CFAP57: variants seen among roughly 807,000 people sequenced by gnomAD.
CFAP57 encodes the protein cilia and flagella associated protein 57.
CFAP57 carries 116 observed loss-of-function variants against 146.8 expected under a neutral mutation model. That is an observed-to-expected ratio of 0.79 (90% CI 0.68 to 0.92). The LOEUF (loss-of-function observed/expected upper bound fraction) is 0.92, where lower values mean the gene tolerates loss of function less well. Ranked by LOEUF, CFAP57 falls within the 40% of genes least tolerant of loss-of-function variation. The pLI is 0.00. For synonymous variants in CFAP57, 518 were observed against 552.8 expected (o/e 0.94, Z 0.88); for missense variants, 1,377 against 1,527.2 (o/e 0.90, Z 1.64).
chr1:43,223,973 C>T, intron 16 of CFAP57, 73 bp from the exon 17 acceptor site: 1 of 1,527,162 alleles, frequency 6.5e-7, no homozygotes, highest in African/African-American at 1.4e-5. Flanking sequence ...GAGCCCCTTA[C>T]ACTGAGACAG....
rs148325400 is a variant in CFAP57 at position 43,250,082 on chromosome 1, T to C, written c.3539-3895T>C. 2.6e-3 allele frequency: 402 copies of C among 152,446 alleles called. 2 individuals are homozygous for C. Among genetic ancestry groups the C allele is most frequent in the South Asian group, 0.014 (69 of 4,832 alleles). The allele number at this position is 152,446 out of a possible 1,614,324, so 9.4% of individuals were successfully genotyped here. On this transcript the variant is annotated intron_variant, in intron 22 of 22. Coordinates refer to ENST00000372492, the MANE Select transcript of CFAP57 (RefSeq NM_001378189.1). Reference sequence around the variant, plus strand: ...AAGTCACGTGAACTTGAAAATTGCTTGGACTTTTTCACCTAACGTATGAGT... The same window carrying C: ...AAGTCACGTGAACTTGAAAATTGCTCGGACTTTTTCACCTAACGTATGAGT...
chr1:43,176,055 C>G (rs79479175), intron 2 of CFAP57, among the ~76,000 whole-genome samples: 1 of 152,036 alleles, frequency 6.6e-6, no homozygotes, highest in Non-Finnish European at 1.5e-5. Context: ...TCACCAGGGG[C>G]CTTGTACACA....
chr1:43,185,329 T>A lies in CFAP57; in HGVS notation c.942T>A (p.Asp314Glu), dbSNP rs1414632731. ...VLLFEKMEEK[D>E]FYRESREIRI... The stretch of plus-strand genomic sequence containing the variant: ...TGTTTGAGAAGATGGAAGAAAAGGA[T>A]TTTTACCGTGAGAGCAGAGAAATCA... Residue 314 changes from aspartate to glutamate, a missense_variant, in exon 5 of 23, where the codon GAT becomes GAA. Transcript: ENST00000372492. The A allele has an allele frequency of 6.2e-7, 1 of 1,613,774 alleles. No homozygotes were observed. The highest frequency in any genetic ancestry group is 8.5e-7 in the Non-Finnish European group (1 of 1,179,972).
chr1:43,174,209 T>C (rs1645084476), intron 2 of CFAP57, among the ~76,000 whole-genome samples: 1 of 152,156 alleles, frequency 6.6e-6, no homozygotes, highest in Non-Finnish European at 1.5e-5. Flanking sequence ...TTTCTTTCAG[T>C]TTGGGGCATT....
chr1:43,252,472 G>A (rs1439241634), intron 22 of CFAP57, among the ~76,000 whole-genome samples: 1 of 151,938 alleles, frequency 6.6e-6, no homozygotes, highest in Non-Finnish European at 1.5e-5. Context: ...TAGGCCCCAA[G>A]CAGAAGCAAA....
intron 16 of CFAP57, among the ~76,000 whole-genome samples, chr1:43,223,825 A>G (rs954879906): frequency 1.4e-4 from 21 of 152,182 alleles, no homozygotes; most frequent in African/African-American, 4.3e-4. Flanking sequence ...CCTGGATGTT[A>G]TGGGACAGAA....
chr1:43,204,338 A>C lies in CFAP57; in HGVS notation c.1543-2382A>C, dbSNP rs144483697. Among the ~76,000 whole-genome samples the C allele has an allele frequency of 1.3e-3, 194 of 152,350 alleles. 3 individuals carry two copies. The highest frequency in any genetic ancestry group is 4.5e-3 in the African/African-American group (188 of 41,586). ...CAAAATCTACCATCTGGGCCCCTTC[A>C]AAGGCAATTTCTATTGCCTGAATGC... is the stretch of plus-strand genomic sequence containing the variant. On this transcript the variant is annotated intron_variant, in intron 9 of 22. Transcript: ENST00000372492.
chr1:43,242,308 C>T (rs1645955508), intron 21 of CFAP57, among the ~76,000 whole-genome samples: 1 of 152,174 alleles, frequency 6.6e-6, no homozygotes, highest in South Asian at 2.1e-4. Flanking sequence ...TAAACTGTAC[C>T]CACACCCCGC....
intron 22 of CFAP57, among the ~76,000 whole-genome samples, chr1:43,249,908 T>C (rs1646275488): frequency 1.3e-5 from 2 of 152,212 alleles, no homozygotes; most frequent in East Asian, 1.9e-4. Flanking sequence ...TTGTTTTGGC[T>C]AGATTAACAG....
chr1:43,222,300 T>A lies in CFAP57; in HGVS notation c.2532+5T>A. The A allele has an allele frequency of 7.0e-7, 1 of 1,424,946 alleles. No homozygotes were observed. The highest frequency in any genetic ancestry group is 1.8e-4 in the Middle Eastern group (1 of 5,420). The allele number at this position is 1,424,946 out of a possible 1,614,324, so 88.3% of individuals were successfully genotyped here. ...AAAACCACCCTTCTGGAAGAGGTAC[T>A]CACAGGAAGCCATGCTGTGCCTCCC... is the stretch of plus-strand genomic sequence containing the variant. On this transcript the variant is annotated splice_donor_5th_base_variant and intron_variant, in intron 15 of 22. Transcript: ENST00000372492.
At chr1:43,174,299 T>C (rs1342750809) in intron 2 of CFAP57, among the ~76,000 whole-genome samples, 1 of 150,988 alleles carries the variant, frequency 6.6e-6, no homozygotes, top group Admixed American at 6.6e-5. Flanking sequence ...CCACATAATA[T>C]TCTGTTGGAA....
At chr1:43,249,597 CTTTTTTT>C (rs35050145) in intron 22 of CFAP57, among the ~76,000 whole-genome samples, 1 of 52,642 alleles carries the variant, frequency 1.9e-5, no homozygotes, top group African/African-American at 7.7e-5. Flanking sequence ...ACCCAGCTAA[CTTTTTTT>C]TTTTTTTTTT....
Position 43,243,225 on chromosome 1 carries a change from A to G in CFAP57, c.3406-2A>G, listed in dbSNP as rs1247877337. 1.9e-6 allele frequency: 3 copies of G among 1,549,650 alleles called. No homozygotes were observed. Among genetic ancestry groups the G allele is most frequent in the Non-Finnish European group, 2.6e-6 (3 of 1,146,562 alleles). On this transcript the variant is annotated splice_acceptor_variant, in intron 21 of 22. Transcript: ENST00000372492. LOFTEE classifies it high-confidence loss of function. ...TCCCTCTCTCTTCCCCCTTTTCTGC[A>G]GGAAAATGTCTCTCTGATCAAGGAA... is the stretch of plus-strand genomic sequence containing the variant.
intron 10 of CFAP57, among the ~76,000 whole-genome samples, chr1:43,209,047 G>T (rs559989549): frequency 1.3e-5 from 2 of 152,124 alleles, no homozygotes; most frequent in East Asian, 3.9e-4. Context: ...TTTATTATTA[G>T]GTATTATTTA....
At chr1:43,198,329 C>T in intron 7 of CFAP57, 152 bp from the exon 8 acceptor site, 1 of 880,192 alleles carries the variant, frequency 1.1e-6, no homozygotes, top group Non-Finnish European at 1.8e-6. Flanking sequence ...ACATTATCCC[C>T]TAATAACCAA....
intron 22 of CFAP57, among the ~76,000 whole-genome samples, chr1:43,244,839 G>A (rs1646053317): frequency 1.3e-5 from 2 of 152,110 alleles, no homozygotes. Context: ...GGAGGCAGAG[G>A]TTGCAGTGAG....
chr1:43,231,288 G>A (rs376679110), intron 18 of CFAP57, among the ~76,000 whole-genome samples: 10 of 152,242 alleles, frequency 6.6e-5, no homozygotes, highest in African/African-American at 2.4e-4. Flanking sequence ...GTTACCAAGA[G>A]CCTTGAAATT....
intron 22 of CFAP57, among the ~76,000 whole-genome samples, chr1:43,245,716 C>G (rs2124674444): frequency 6.6e-6 from 1 of 152,288 alleles, no homozygotes; most frequent in South Asian, 2.1e-4. Context: ...TTAGATCCAC[C>G]TACTATCCAA....
chr1:43,232,939 G>A (rs370515013), intron 19 of CFAP57, among the ~76,000 whole-genome samples: 9 of 152,192 alleles, frequency 5.9e-5, no homozygotes, highest in Admixed American at 1.3e-4. Context: ...ATTTGTCGCC[G>A]CTGGTTTAAG....
Sources: allele counts gnomAD v4.1 joint callset (sites outside exome capture counted in the v4.1 genomes callset), GRCh38; gene constraint gnomAD v4.1.1; transcripts MANE v1.5; gene names NCBI Gene and HGNC (gene_info 2026-07-23, HGNC 2026-07-21).